DGKI: variants seen among roughly 807,000 people sequenced by gnomAD.
DGKI encodes the protein DAG kinase iota.
In DGKI, 55 loss-of-function variants were observed where a neutral mutation model predicts 147.5. The ratio of observed to expected loss-of-function variants is 0.37; its 90% CI spans 0.30 to 0.47. DGKI has a LOEUF of 0.47. DGKI is among the 20% of genes least tolerant of loss of function. DGKI has a pLI of 1.00. For missense variants in DGKI, 1,007 were observed against 1,323.8 expected (o/e 0.76, Z 3.71); for synonymous variants, 469 against 477.1 (o/e 0.98, Z 0.22).
chr7:137,742,154 AC>A (rs772572524), intron 1 of DGKI, among the ~76,000 whole-genome samples: 9 of 152,112 alleles, frequency 5.9e-5, no homozygotes, highest in Non-Finnish European at 1.2e-4. Flanking sequence ...AAAGAGATAA[AC>A]TCACACTGTT....
intron 30 of DGKI, among the ~76,000 whole-genome samples, chr7:137,404,852 C>T (rs903319915): frequency 6.6e-6 from 1 of 151,764 alleles, no homozygotes; most frequent in South Asian, 2.1e-4. Flanking sequence ...AGAGTCAATG[C>T]GGGGTGATGA....
intron 28 of DGKI, among the ~76,000 whole-genome samples, chr7:137,434,918 T>C (rs1813225020): frequency 1.3e-5 from 2 of 152,176 alleles, no homozygotes; most frequent in African/African-American, 4.8e-5. Flanking sequence ...AAATATGCTA[T>C]CATTTTTATT....
At chr7:137,406,704 A>G (rs1811959989) in intron 30 of DGKI, among the ~76,000 whole-genome samples, 1 of 152,208 alleles carries the variant, frequency 6.6e-6, no homozygotes, top group Admixed American at 6.5e-5. Context: ...TATGTTATCT[A>G]TCTGTGGCTT....
Position 137,531,500 on chromosome 7 carries a change from G to A in DGKI, c.2148-9534C>T, listed in dbSNP as rs1817337040. Among the ~76,000 whole-genome samples the A allele has an allele frequency of 1.3e-5, 2 of 152,140 alleles. 1 individual carries two copies. Among genetic ancestry groups the A allele is most frequent in the South Asian group, 4.1e-4 (2 of 4,826 alleles). On this transcript the variant is annotated intron_variant, in intron 20 of 32. Transcript: ENST00000614521. The stretch of plus-strand genomic sequence containing the variant: ...GGAGGACCATTCATCACTATACTTA[G>A]TGGAGCAAGGAGCAGTTGGGCTTGA...
intron 21 of DGKI, chr7:137,513,781 T>A: frequency 1.8e-6 from 1 of 549,138 alleles, no homozygotes; most frequent in Non-Finnish European, 3.4e-6. Flanking sequence ...TACCTAAACA[T>A]AGAAAAGGTG....
At chr7:137,744,936 T>C (rs1040491103) in intron 1 of DGKI, among the ~76,000 whole-genome samples, 3 of 152,130 alleles carry the variant, frequency 2.0e-5, no homozygotes, top group Non-Finnish European at 4.4e-5. Context: ...GCCAACATCA[T>C]GCTGAATGTG....
chr7:137,779,138 G>C lies in DGKI; in HGVS notation c.401+67324C>G, dbSNP rs916599392. Among the ~76,000 whole-genome samples the C allele has an allele frequency of 1.2e-4, 19 of 152,250 alleles. No individual in the cohort carries two copies. In the East Asian group the frequency reaches 3.5e-3, roughly 28 times the overall value. On this transcript the variant is annotated intron_variant, in intron 1 of 32. Coordinates refer to ENST00000614521, the MANE Select transcript of DGKI (RefSeq NM_001321708.2). ...ACAGGGTGTTATTGGCATAAAGATAGAAAAATAGATTAACAGAACAGAATA... is the reference window on the plus strand; with the variant it reads ...ACAGGGTGTTATTGGCATAAAGATACAAAAATAGATTAACAGAACAGAATA...
intron 1 of DGKI, among the ~76,000 whole-genome samples, chr7:137,754,907 G>A (rs962804967): frequency 5.3e-5 from 8 of 152,162 alleles, no homozygotes; most frequent in African/African-American, 1.4e-4. Flanking sequence ...CACACGTGAT[G>A]GAACTTTCAG....
intron 21 of DGKI, among the ~76,000 whole-genome samples, chr7:137,493,122 G>A (rs187816515): frequency 2.6e-5 from 4 of 152,206 alleles, no homozygotes; most frequent in African/African-American, 7.2e-5. Context: ...CAGCATGAGC[G>A]CAACCTGCCC....
At chr7:137,482,587 C>T (rs574995338) in intron 23 of DGKI, among the ~76,000 whole-genome samples, 1 of 152,064 alleles carries the variant, frequency 6.6e-6, no homozygotes, top group Admixed American at 6.6e-5. Context: ...ACTAATACGG[C>T]TAACACAGAA....
At chr7:137,562,473 T>G (rs1407939899) in intron 19 of DGKI, among the ~76,000 whole-genome samples, 1 of 152,048 alleles carries the variant, frequency 6.6e-6, no homozygotes, top group Non-Finnish European at 1.5e-5. Context: ...GAGACAGAGG[T>G]TGCAGTGGCC....
intron 28 of DGKI, among the ~76,000 whole-genome samples, chr7:137,425,915 A>T (rs1812782666): frequency 6.6e-6 from 1 of 152,186 alleles, no homozygotes; most frequent in Admixed American, 6.5e-5. Context: ...GACCAAATCT[A>T]CGTCTGATTG....
chr7:137,712,365 A>T (rs1447101420), intron 1 of DGKI, among the ~76,000 whole-genome samples: 1 of 152,200 alleles, frequency 6.6e-6, no homozygotes, highest in Non-Finnish European at 1.5e-5. Flanking sequence ...CAAGCATCAG[A>T]TTTATTCTAA....
intron 28 of DGKI, among the ~76,000 whole-genome samples, chr7:137,435,722 A>G (rs1454573654): frequency 6.6e-6 from 1 of 152,230 alleles, no homozygotes; most frequent in Non-Finnish European, 1.5e-5. Flanking sequence ...CGCTCAGTAC[A>G]GTAGGCTCTA....
intron 1 of DGKI, among the ~76,000 whole-genome samples, chr7:137,842,247 T>A (rs181070964): frequency 9.8e-5 from 15 of 152,302 alleles, no homozygotes; most frequent in Non-Finnish European, 2.2e-4. Flanking sequence ...AAGACCAATA[T>A]CCATTTTATC....
At chr7:137,534,224 G>C (rs1255039340) in intron 20 of DGKI, among the ~76,000 whole-genome samples, 1 of 152,074 alleles carries the variant, frequency 6.6e-6, no homozygotes, top group Non-Finnish European at 1.5e-5. Flanking sequence ...GATAATGTCA[G>C]TTCTTATTCT....
chr7:137,816,143 G>A (rs1251523961), intron 1 of DGKI, among the ~76,000 whole-genome samples: 1 of 152,048 alleles, frequency 6.6e-6, no homozygotes, highest in East Asian at 1.9e-4. Flanking sequence ...CTATGTTTTG[G>A]ATGCATTGTT....
chr7:137,601,884 C>T (rs1352893219), intron 10 of DGKI, among the ~76,000 whole-genome samples: 1 of 152,132 alleles, frequency 6.6e-6, no homozygotes, highest in Non-Finnish European at 1.5e-5. Flanking sequence ...TTATCATGTG[C>T]TTGCTATAAT....
intron 11 of DGKI, among the ~76,000 whole-genome samples, chr7:137,598,230 T>C (rs1190045848): frequency 4.6e-5 from 7 of 152,136 alleles, no homozygotes; most frequent in Non-Finnish European, 8.8e-5. Flanking sequence ...GACTTCCTTC[T>C]TTTTCTTTTC....
Sources: gnomAD v4.1 joint callset for allele counts (sites outside exome capture counted in the v4.1 genomes callset) on GRCh38, gnomAD v4.1.1 for gene constraint, MANE v1.5 for transcripts, NCBI Gene and HGNC (gene_info 2026-07-23, HGNC 2026-07-21) for gene names.